Variants in PTPRD observed in about 807,000 individuals in gnomAD.
PTPRD encodes the protein receptor-type tyrosine-protein phosphatase delta.
PTPRD carries 34 observed loss-of-function variants against 214.5 expected under a neutral mutation model. The ratio of observed to expected loss-of-function variants is 0.16; its 90% CI spans 0.12 to 0.21. The LOEUF is 0.21. Among genes scored for constraint, PTPRD ranks in the 10% least tolerant of loss-of-function variants. The pLI is 1.00. For missense variants in PTPRD, 2,545 were observed against 2,398.7 expected (o/e 1.06, Z -1.27); for synonymous variants, 1,128 against 845.7 (o/e 1.33, Z -5.79).
At chr9:10,580,925 T>G (rs2071509142) in intron 2 of PTPRD, among the ~76,000 whole-genome samples, 1 of 152,208 alleles carries the variant, frequency 6.6e-6, no homozygotes, top group South Asian at 2.1e-4. Flanking sequence ...GTTCACTGAT[T>G]TCCTCAAATA....
chr9:8,722,658 C>G (rs1186213189), intron 12 of PTPRD, among the ~76,000 whole-genome samples: 1 of 152,020 alleles, frequency 6.6e-6, no homozygotes, highest in Non-Finnish European at 1.5e-5. Context: ...TCCTTTCTTC[C>G]CTGCAATTCT....
chr9:9,770,579 C>T (rs560524583), intron 5 of PTPRD, among the ~76,000 whole-genome samples: 119 of 152,190 alleles, frequency 7.8e-4, no homozygotes, highest in African/African-American at 2.7e-3. Context: ...CCACTATTCT[C>T]ATTCTGCTTG....
intron 9 of PTPRD, among the ~76,000 whole-genome samples, chr9:9,206,012 A>AATT (rs1166265199): frequency 6.6e-6 from 1 of 152,230 alleles, no homozygotes; most frequent in African/African-American, 2.4e-5. Context: ...TAAGTGACAT[A>AATT]ATTGTTGTCA....
intron 4 of PTPRD, among the ~76,000 whole-genome samples, chr9:10,030,638 G>T (rs1272388157): frequency 6.6e-6 from 1 of 152,180 alleles, no homozygotes; most frequent in East Asian, 1.9e-4. Flanking sequence ...AAATATATGA[G>T]GGGCCTGGTG....
chr9:9,964,057 C>CAGGCATAGACGGAGGCAGAGACGG (rs2094524534), intron 4 of PTPRD, among the ~76,000 whole-genome samples: 2 of 147,938 alleles, frequency 1.4e-5, no homozygotes, highest in Non-Finnish European at 3.0e-5. Flanking sequence ...GAGGCAGAGG[C>CAGGCATAGACGGAGGCAGAGACGG]AGGCAGAGAC....
intron 3 of PTPRD, among the ~76,000 whole-genome samples, chr9:10,062,389 T>C (rs1299334098): frequency 6.6e-6 from 1 of 151,988 alleles, no homozygotes; most frequent in East Asian, 1.9e-4. Flanking sequence ...GAGGATTACC[T>C]AAGGTCAGGA....
chr9:10,107,242 G>C (rs1054717175), intron 3 of PTPRD, among the ~76,000 whole-genome samples: 4 of 151,966 alleles, frequency 2.6e-5, no homozygotes, highest in Admixed American at 6.6e-5. Flanking sequence ...TCTCTTAGTT[G>C]TGGCCAGCAA....
At chr9:9,694,359 A>T (rs1202840432) in intron 7 of PTPRD, among the ~76,000 whole-genome samples, 2 of 151,560 alleles carry the variant, frequency 1.3e-5, no homozygotes, top group Non-Finnish European at 2.9e-5. Flanking sequence ...AATTCTCTAC[A>T]TTGCTAGGCA....
chr9:8,821,770 A>G (rs1022043041), intron 11 of PTPRD, among the ~76,000 whole-genome samples: 2 of 152,116 alleles, frequency 1.3e-5, no homozygotes, highest in African/African-American at 4.8e-5. Flanking sequence ...GGTTCAAGCA[A>G]TTCTCTGCCT....
At chr9:10,296,581 G>A (rs1178096650) in intron 3 of PTPRD, among the ~76,000 whole-genome samples, 3 of 152,062 alleles carry the variant, frequency 2.0e-5, no homozygotes, top group Non-Finnish European at 4.4e-5. Context: ...CCCGATTAAA[G>A]CCTTCTTTCT....
At chr9:8,519,525 G>T (rs558807319) in intron 20 of PTPRD, among the ~76,000 whole-genome samples, 2 of 152,170 alleles carry the variant, frequency 1.3e-5, no homozygotes, top group South Asian at 4.1e-4. Flanking sequence ...CTGTTTCCTT[G>T]CCAACATAAA....
At chr9:8,467,884 C>T (rs1423254825) in intron 31 of PTPRD, among the ~76,000 whole-genome samples, 1 of 151,858 alleles carries the variant, frequency 6.6e-6, no homozygotes, top group East Asian at 1.9e-4. Flanking sequence ...CCTATTACAC[C>T]AAGAAGGAAA....
At position 10,230,414 on chromosome 9, in the gene PTPRD, A is replaced by G. The variant is rs530535516; in HGVS notation, c.-545+110549T>C. Among the ~76,000 whole-genome samples the G allele has an allele frequency of 2.4e-5, 3 of 125,854 alleles. No individual in the cohort carries two copies. In the South Asian group the frequency reaches 8.7e-4, roughly 36 times the overall value. The allele number at this position is 125,854 out of a possible 152,430, so 82.6% of individuals were successfully genotyped here. ...CAGCTATCTATCTCTCTATGTATCT[A>G]TCTATGTATCTATGTATCTATGTAT... On this transcript the variant is annotated intron_variant, in intron 3 of 45. Transcript: ENST00000381196.
intron 9 of PTPRD, among the ~76,000 whole-genome samples, chr9:9,191,776 T>C (rs2099935341): frequency 6.6e-6 from 1 of 152,048 alleles, no homozygotes; most frequent in South Asian, 2.1e-4. Flanking sequence ...AAAATTTATA[T>C]AGGTATTAGC....
intron 4 of PTPRD, among the ~76,000 whole-genome samples, chr9:9,947,747 G>C (rs1176781020): frequency 7.0e-6 from 1 of 142,596 alleles, no homozygotes; most frequent in Non-Finnish European, 1.5e-5. Context: ...ACTGTTGTGA[G>C]AAGTTCATCT....
intron 17 of PTPRD, among the ~76,000 whole-genome samples, chr9:8,525,352 T>A (rs1239867108): frequency 6.6e-6 from 1 of 152,104 alleles, no homozygotes; most frequent in Non-Finnish European, 1.5e-5. Flanking sequence ...TTCAAGGAAG[T>A]ATGGCTTTTA....
At chr9:8,830,879 T>A (rs2097274813) in intron 11 of PTPRD, among the ~76,000 whole-genome samples, 1 of 152,166 alleles carries the variant, frequency 6.6e-6, no homozygotes. Flanking sequence ...ACAATTCTCT[T>A]CAATTGATTA....
intron 4 of PTPRD, among the ~76,000 whole-genome samples, chr9:9,963,858 A>C (rs1311068754): frequency 1.3e-5 from 2 of 152,212 alleles, no homozygotes; most frequent in African/African-American, 4.8e-5. Context: ...TTGGAAACTA[A>C]ACACTTGGAT....
intron 9 of PTPRD, among the ~76,000 whole-genome samples, chr9:9,202,994 C>T (rs186868916): frequency 2.8e-4 from 43 of 152,268 alleles, no homozygotes; most frequent in Admixed American, 5.9e-4. Flanking sequence ...TCACATCAAC[C>T]GTCTTTATCC....
Sources: allele counts gnomAD v4.1 joint callset (sites outside exome capture counted in the v4.1 genomes callset), GRCh38; gene constraint gnomAD v4.1.1; transcripts MANE v1.5; gene names NCBI Gene and HGNC (gene_info 2026-07-23, HGNC 2026-07-21).